FAM13C: variants seen among roughly 807,000 people sequenced by gnomAD.
FAM13C encodes protein FAM13C.
FAM13C carries 37 observed loss-of-function variants against 73.2 expected under a neutral mutation model. The ratio of observed to expected loss-of-function variants is 0.51; its 90% confidence interval spans 0.39 to 0.67. FAM13C has a LOEUF of 0.67. Ranked by LOEUF, FAM13C falls within the 30% of genes least tolerant of loss-of-function variation. FAM13C has a pLI of 0.00. For missense variants in FAM13C, 589 were observed against 715.6 expected (o/e 0.82, Z 2.02); for synonymous variants, 246 against 260.9 (o/e 0.94, Z 0.55).
At chr10:59,335,940 A>G (rs1852669571) in intron 3 of FAM13C, among the ~76,000 whole-genome samples, 1 of 152,260 alleles carries the variant, frequency 6.6e-6, no homozygotes, top group Admixed American at 6.5e-5. Flanking sequence ...ATTTAGAGAG[A>G]AAAGCTTTTT....
intron 4 of FAM13C, among the ~76,000 whole-genome samples, chr10:59,306,508 AT>A (rs1478867179): frequency 1.3e-5 from 2 of 152,198 alleles, no homozygotes; most frequent in Non-Finnish European, 2.9e-5. Context: ...TTAAATGATG[AT>A]AAAGCTAATG....
At chr10:59,293,701 G>A (rs1460233321) in intron 5 of FAM13C, among the ~76,000 whole-genome samples, 1 of 152,268 alleles carries the variant, frequency 6.6e-6, no homozygotes, top group East Asian at 1.9e-4. Context: ...GACAATAGGT[G>A]CCAAGGCTAG....
At position 59,362,511 on chromosome 10, in the gene FAM13C, G is replaced by C; in HGVS notation, c.-51C>G. On this transcript the variant is annotated 5_prime_UTR_variant, in exon 1 of 14. Transcript: ENST00000618804. ...CTCCCTGATTGCTCTCCGGGAGTTAGAGCACATACACAAACATGGCATTGC... is the reference window on the plus strand; with the variant it reads ...CTCCCTGATTGCTCTCCGGGAGTTACAGCACATACACAAACATGGCATTGC... The C allele has an allele frequency of 1.3e-6, 2 of 1,599,390 alleles. No individual in the cohort carries two copies. The highest frequency in any genetic ancestry group is 4.5e-5 in the East Asian group (2 of 44,650).
rs1850255076 is a variant in FAM13C at position 59,321,431 on chromosome 10, C to CTT, written c.443+2556_443+2557insAA. On this transcript the variant is annotated intron_variant, in intron 4 of 13. Transcript: ENST00000618804. The stretch of plus-strand genomic sequence containing the variant: ...AGAAAGGAATGGAGCCCTGCCAACA[C>CTT]CTTTTTTTTTTTTTTTTTTTTTTTT... 4.4e-3 allele frequency among the ~76,000 whole-genome samples: 486 copies of CTT among 109,826 alleles called. 43 individuals carry two copies. The highest frequency in any genetic ancestry group is 0.016 in the African/African-American group (458 of 28,924). The allele number at this position is 109,826 out of a possible 152,430, so 72.1% of individuals were successfully genotyped here.
At chr10:59,354,901 C>A (rs1307971911) in intron 2 of FAM13C, among the ~76,000 whole-genome samples, 1 of 151,996 alleles carries the variant, frequency 6.6e-6, no homozygotes, top group East Asian at 1.9e-4. Context: ...GCTGTTCCTG[C>A]AACTCAAACA....
At chr10:59,277,857 AG>A (rs1395950053) in intron 6 of FAM13C, among the ~76,000 whole-genome samples, 22 of 152,312 alleles carry the variant, frequency 1.4e-4, no homozygotes, top group African/African-American at 5.1e-4. Flanking sequence ...GAGTGGGGAA[AG>A]CCCCACTAAC....
At chr10:59,305,850 T>G (rs1197450663) in intron 4 of FAM13C, among the ~76,000 whole-genome samples, 4 of 152,254 alleles carry the variant, frequency 2.6e-5, no homozygotes, top group Non-Finnish European at 4.4e-5. Context: ...GGAAGACTGC[T>G]GGCTCACACA....
At chr10:59,327,646 C>T (rs1395253683) in intron 3 of FAM13C, 1 of 147,210 alleles carries the variant, frequency 6.8e-6, no homozygotes, top group Admixed American at 7.0e-5. Flanking sequence ...TAAGCTTCAT[C>T]ACTCTGTTTA....
At chr10:59,253,108 G>A (rs1331950425) in intron 11 of FAM13C, 110 bp from the exon 12 acceptor site, 1 of 1,042,178 alleles carries the variant, frequency 9.6e-7, no homozygotes. Flanking sequence ...ACCAGTAGGT[G>A]ACCCATGTGC....
At chr10:59,325,006 C>G (rs1028616323) in intron 3 of FAM13C, among the ~76,000 whole-genome samples, 1 of 152,136 alleles carries the variant, frequency 6.6e-6, no homozygotes, top group African/African-American at 2.4e-5. Context: ...CATCTTTGAG[C>G]CATGTCAAAC....
At chr10:59,307,065 T>C (rs984918526) in intron 4 of FAM13C, among the ~76,000 whole-genome samples, 18 of 152,174 alleles carry the variant, frequency 1.2e-4, no homozygotes, top group Non-Finnish European at 1.9e-4. Flanking sequence ...CAGGTTTCTT[T>C]TTTTTTAATG....
intron 5 of FAM13C, among the ~76,000 whole-genome samples, chr10:59,290,878 G>A (rs997180840): frequency 1.3e-5 from 2 of 152,128 alleles, no homozygotes; most frequent in Non-Finnish European, 2.9e-5. Context: ...GGGGGCAGGG[G>A]TCTCTGAGTA....
chr10:59,322,577 C>T (rs1452706008), intron 4 of FAM13C, among the ~76,000 whole-genome samples: 1 of 152,176 alleles, frequency 6.6e-6, no homozygotes, highest in South Asian at 2.1e-4. Context: ...AGGTTAATTG[C>T]TAACGCCATT....
intron 3 of FAM13C, among the ~76,000 whole-genome samples, chr10:59,341,401 T>A (rs1415666944): frequency 6.6e-6 from 1 of 151,966 alleles, no homozygotes; most frequent in Non-Finnish European, 1.5e-5. Context: ...CTGAAAGAAA[T>A]CCCTGGCCAG....
At chr10:59,338,474 G>T (rs2134157273) in intron 3 of FAM13C, among the ~76,000 whole-genome samples, 1 of 152,258 alleles carries the variant, frequency 6.6e-6, no homozygotes, top group South Asian at 2.1e-4. Context: ...AATAAACTCT[G>T]CATCTTGCCA....
intron 4 of FAM13C, among the ~76,000 whole-genome samples, chr10:59,304,482 A>C (rs1847969503): frequency 6.6e-6 from 1 of 151,902 alleles, no homozygotes; most frequent in Non-Finnish European, 1.5e-5. Context: ...GGGTTTTTAT[A>C]ATTTTGAGTG....
intron 5 of FAM13C, among the ~76,000 whole-genome samples, chr10:59,289,852 G>A (rs1184915895): frequency 6.6e-6 from 1 of 152,068 alleles, no homozygotes; most frequent in African/African-American, 2.4e-5. Context: ...AGCCCTCTCT[G>A]ATAGGACTTC....
At chr10:59,310,934 G>C (rs1848842987) in intron 4 of FAM13C, among the ~76,000 whole-genome samples, 1 of 152,184 alleles carries the variant, frequency 6.6e-6, no homozygotes, top group South Asian at 2.1e-4. Flanking sequence ...CCTAATTGGG[G>C]AACGCTATCC....
At chr10:59,257,225 C>T (rs1325896068) in intron 10 of FAM13C, among the ~76,000 whole-genome samples, 1 of 152,154 alleles carries the variant, frequency 6.6e-6, no homozygotes. Context: ...AGCTTGGCAA[C>T]TTTGCCACAT....
Sources: allele counts gnomAD v4.1 joint callset (sites outside exome capture counted in the v4.1 genomes callset), GRCh38; gene constraint gnomAD v4.1.1; transcripts MANE v1.5; gene names NCBI Gene and HGNC (gene_info 2026-07-23, HGNC 2026-07-21).